Variants in BICC1 observed in about 807,000 individuals in gnomAD.
BICC1 encodes protein bicaudal C homolog 1.
BICC1 carries 43 observed loss-of-function variants against 111.0 expected under a neutral mutation model. The observed-to-expected ratio is 0.39, with a 90% CI of 0.30 to 0.50. The LOEUF (loss-of-function observed/expected upper bound fraction) is 0.50, where lower values mean the gene tolerates loss of function less well. Among genes scored for constraint, BICC1 ranks in the 20% least tolerant of loss-of-function variants. The pLI is 0.88. For synonymous variants in BICC1, 467 were observed against 434.4 expected (o/e 1.07, Z -0.93); for missense variants, 1,091 against 1,203.2 (o/e 0.91, Z 1.38).
Position 58,801,054 on chromosome 10 carries a change from TTTTAATC to T in BICC1, c.2015+14_2015+20del. On this transcript the variant is annotated intron_variant, in intron 14 of 20. Coordinates refer to ENST00000373886, the MANE Select transcript of BICC1 (RefSeq NM_001080512.3). The stretch of plus-strand genomic sequence containing the variant: ...GAAAAACTCACACTTACAGTATGTA[TTTTAATC>T]TTTAAAGAGCCCTTGATATTTTGAA... 1 of 1,583,280 alleles carries T rather than the reference TTTTAATC, an allele frequency of 6.3e-7. No homozygotes were observed. Among genetic ancestry groups the T allele is most frequent in the Non-Finnish European group, 8.6e-7 (1 of 1,166,350 alleles).
At chr10:58,652,421 A>G (rs1474279378) in intron 2 of BICC1, among the ~76,000 whole-genome samples, 1 of 152,108 alleles carries the variant, frequency 6.6e-6, no homozygotes, top group Non-Finnish European at 1.5e-5. Flanking sequence ...TGAACATATA[A>G]TAGTAATTTA....
At chr10:58,773,361 A>G (rs777812733) in intron 3 of BICC1, among the ~76,000 whole-genome samples, 1 of 152,232 alleles carries the variant, frequency 6.6e-6, no homozygotes, top group Non-Finnish European at 1.5e-5. Context: ...GTGTTGTGTC[A>G]GTCTCACTCT....
intron 3 of BICC1, among the ~76,000 whole-genome samples, chr10:58,748,255 A>G (rs1841889926): frequency 6.6e-6 from 1 of 152,160 alleles, no homozygotes; most frequent in Admixed American, 6.6e-5. Context: ...AGATGTAAAG[A>G]ACACAGAATT....
chr10:58,608,722 A>G (rs1371668977), intron 1 of BICC1, among the ~76,000 whole-genome samples: 1 of 152,180 alleles, frequency 6.6e-6, no homozygotes, highest in Non-Finnish European at 1.5e-5. Context: ...AGCTTGAAGG[A>G]GATTGAAGAA....
intron 1 of BICC1, among the ~76,000 whole-genome samples, chr10:58,614,333 G>A (rs1003095760): frequency 6.6e-6 from 1 of 152,100 alleles, no homozygotes; most frequent in Non-Finnish European, 1.5e-5. Flanking sequence ...TTGCACCTGA[G>A]ACCATGATCT....
Position 58,513,292 on chromosome 10 carries a change from G to T in BICC1, c.149G>T (p.Arg50Leu). 1 of 1,611,128 alleles carries T rather than the reference G, an allele frequency of 6.2e-7. No individual in the cohort carries two copies. The highest frequency in any genetic ancestry group is 8.5e-7 in the Non-Finnish European group (1 of 1,178,454). The change falls in exon 1 of 21, where the codon CGC becomes CTC. Residue 50 changes from arginine to leucine, a missense_variant. Physicochemically the swap from Arg to Leu is moderately radical, Grantham distance 102. Coordinates refer to ENST00000373886, the MANE Select transcript of BICC1 (RefSeq NM_001080512.3). ...CACAGCCCGGAGTGGAGCGAGGAGCGCTTCCGCGTGGACAGGAAGAAACTT... is the reference window on the plus strand; with the variant it reads ...CACAGCCCGGAGTGGAGCGAGGAGCTCTTCCGCGTGGACAGGAAGAAACTT... ...TLHSPEWSEERFRVDRKKLEA... is the reference protein window; with the variant it reads ...TLHSPEWSEELFRVDRKKLEA...
intron 1 of BICC1, among the ~76,000 whole-genome samples, chr10:58,593,030 G>T (rs945989747): frequency 2.6e-5 from 4 of 152,132 alleles, no homozygotes; most frequent in East Asian, 3.9e-4. Flanking sequence ...TGACTGGGAC[G>T]TTCGAGCTTG....
intron 3 of BICC1, among the ~76,000 whole-genome samples, chr10:58,781,341 G>A (rs1842879569): frequency 6.6e-6 from 1 of 152,106 alleles, no homozygotes; most frequent in Non-Finnish European, 1.5e-5. Context: ...AATTATAGGT[G>A]CCATCCGTTC....
At chr10:58,554,553 TC>T (rs1386697378) in intron 1 of BICC1, among the ~76,000 whole-genome samples, 1 of 152,108 alleles carries the variant, frequency 6.6e-6, no homozygotes, top group African/African-American at 2.4e-5. Flanking sequence ...TTGTTGTTCT[TC>T]CTGTGATGTA....
intron 2 of BICC1, among the ~76,000 whole-genome samples, chr10:58,697,280 A>C (rs890829462): frequency 1.3e-5 from 2 of 152,234 alleles, no homozygotes; most frequent in African/African-American, 4.8e-5. Flanking sequence ...GAAATGTACA[A>C]TATCCTCTTG....
At chr10:58,791,417 C>T (rs1230103251) in intron 8 of BICC1, among the ~76,000 whole-genome samples, 1 of 152,142 alleles carries the variant, frequency 6.6e-6, no homozygotes, top group Non-Finnish European at 1.5e-5. Context: ...AATACCATCA[C>T]CATTTTGTAT....
intron 3 of BICC1, among the ~76,000 whole-genome samples, chr10:58,741,051 T>C (rs921622571): frequency 6.6e-6 from 1 of 152,110 alleles, no homozygotes; most frequent in East Asian, 1.9e-4. Context: ...GGAAATGGAT[T>C]TGGGACCAAA....
intron 1 of BICC1, among the ~76,000 whole-genome samples, chr10:58,582,961 T>C (rs1186757566): frequency 6.6e-6 from 1 of 152,188 alleles, no homozygotes; most frequent in Non-Finnish European, 1.5e-5. Flanking sequence ...ACCTAACATA[T>C]TCATAGACTC....
chr10:58,793,705 A>G (rs1843252499), intron 9 of BICC1, 90 bp downstream of exon 9: 7 of 1,413,492 alleles, frequency 5.0e-6, no homozygotes, highest in Non-Finnish European at 6.9e-6. Context: ...TTGCATATAC[A>G]TGAAACTGTT....
At chr10:58,825,910 G>A (rs1365469132) in intron 20 of BICC1, among the ~76,000 whole-genome samples, 4 of 151,840 alleles carry the variant, frequency 2.6e-5, no homozygotes, top group African/African-American at 9.7e-5. Context: ...TGAATTGCTT[G>A]ATATGTACCA....
intron 1 of BICC1, among the ~76,000 whole-genome samples, chr10:58,613,047 A>C (rs920407913): frequency 1.3e-5 from 2 of 152,222 alleles, no homozygotes; most frequent in Admixed American, 1.3e-4. Context: ...CTTGTGAAGC[A>C]AAAATATGAA....
At chr10:58,767,801 G>T (rs563297495) in intron 3 of BICC1, among the ~76,000 whole-genome samples, 1 of 152,076 alleles carries the variant, frequency 6.6e-6, no homozygotes, top group South Asian at 2.1e-4. Context: ...AACTTCTGAA[G>T]CTGAAGACTG....
chr10:58,815,368 C>T (rs1386137110), intron 18 of BICC1, among the ~76,000 whole-genome samples: 1 of 152,172 alleles, frequency 6.6e-6, no homozygotes, highest in Non-Finnish European at 1.5e-5. Flanking sequence ...CCATTAGTTA[C>T]TGGCTGGACG....
chr10:58,790,431 G>A (rs552857784), intron 8 of BICC1, among the ~76,000 whole-genome samples: 13 of 152,212 alleles, frequency 8.5e-5, no homozygotes, highest in African/African-American at 2.2e-4. Context: ...AAATTCGAGC[G>A]TCACTTATTG....
Sources: allele counts gnomAD v4.1 joint callset (sites outside exome capture counted in the v4.1 genomes callset), GRCh38; gene constraint gnomAD v4.1.1; transcripts MANE v1.5; gene names NCBI Gene and HGNC (gene_info 2026-07-23, HGNC 2026-07-21).